GABRB3: variants seen among roughly 807,000 people sequenced by gnomAD.
GABRB3 encodes the protein gamma-aminobutyric acid receptor subunit beta-3.
In GABRB3, 14 loss-of-function variants were observed where a neutral mutation model predicts 52.1. That is an observed-to-expected ratio of 0.27 (90% CI 0.18 to 0.42). GABRB3 has a LOEUF of 0.42. Among genes scored for constraint, GABRB3 ranks in the 10% least tolerant of loss-of-function variants. The pLI, the probability that GABRB3 is intolerant of heterozygous loss-of-function variation, is 1.00. For missense variants in GABRB3, 307 were observed against 609.1 expected, an observed-to-expected ratio of 0.50 and a Z score of 5.22; for synonymous variants, 260 against 232.3, an observed-to-expected ratio of 1.12 and a Z score of -1.08.
intron 8 of GABRB3, among the ~76,000 whole-genome samples, chr15:26,560,520 GGA>G (rs1413198944): frequency 2.6e-5 from 4 of 152,200 alleles, no homozygotes; most frequent in Admixed American, 2.6e-4. Context: ...ACTGGTGAGA[GGA>G]AGAAAGCCTA....
At chr15:26,666,889 T>C (rs1296585708) in intron 3 of GABRB3, among the ~76,000 whole-genome samples, 1 of 152,154 alleles carries the variant, frequency 6.6e-6, no homozygotes, top group Non-Finnish European at 1.5e-5. Flanking sequence ...ATCAGGGCTC[T>C]CTGTTTCCAC....
intron 3 of GABRB3, among the ~76,000 whole-genome samples, chr15:26,722,380 A>C (rs1173091938): frequency 6.6e-6 from 1 of 152,202 alleles, no homozygotes; most frequent in African/African-American, 2.4e-5. Flanking sequence ...AACATTTCAC[A>C]AACACTGAGG....
At chr15:26,657,628 C>T (rs1166487194) in intron 3 of GABRB3, among the ~76,000 whole-genome samples, 1 of 152,188 alleles carries the variant, frequency 6.6e-6, no homozygotes, top group Non-Finnish European at 1.5e-5. Context: ...ATTCTCACAG[C>T]AAACATGAGA....
chr15:26,638,466 A>G (rs1893112816), intron 3 of GABRB3, among the ~76,000 whole-genome samples: 2 of 152,136 alleles, frequency 1.3e-5, no homozygotes, highest in Admixed American at 1.3e-4. Flanking sequence ...GGTGATCTCA[A>G]TCATTCCTAA....
At chr15:26,708,260 T>A (rs1284558221) in intron 3 of GABRB3, among the ~76,000 whole-genome samples, 1 of 152,196 alleles carries the variant, frequency 6.6e-6, no homozygotes, top group African/African-American at 2.4e-5. Context: ...TCAAGAAATG[T>A]GTGCTATGTC....
intron 3 of GABRB3, among the ~76,000 whole-genome samples, chr15:26,744,187 T>G (rs1890278257): frequency 6.6e-6 from 1 of 152,192 alleles, no homozygotes; most frequent in South Asian, 2.1e-4. Flanking sequence ...TCCATGCAAT[T>G]GGGCATGGTT....
chr15:26,672,095 C>T (rs1389408879), intron 3 of GABRB3, among the ~76,000 whole-genome samples: 2 of 151,978 alleles, frequency 1.3e-5, no homozygotes, highest in East Asian at 1.9e-4. Flanking sequence ...CTTTTCCCTC[C>T]CTCCTTTTCT....
chr15:26,678,828 G>A (rs949887706), intron 3 of GABRB3, among the ~76,000 whole-genome samples: 1 of 152,196 alleles, frequency 6.6e-6, no homozygotes, highest in South Asian at 2.1e-4. Flanking sequence ...TGTCCCAGAT[G>A]AAAGTGTACC....
chr15:26,734,195 A>C (rs1421834952), intron 3 of GABRB3, among the ~76,000 whole-genome samples: 1 of 151,794 alleles, frequency 6.6e-6, no homozygotes, highest in Non-Finnish European at 1.5e-5. Flanking sequence ...ACACCCAGCT[A>C]ATTTTTTGTG....
At chr15:26,650,271 A>T (rs565282331) in intron 3 of GABRB3, among the ~76,000 whole-genome samples, 1 of 152,264 alleles carries the variant, frequency 6.6e-6, no homozygotes, top group African/African-American at 2.4e-5. Flanking sequence ...GGGATTTCAC[A>T]GCAGTTCAAA....
At chr15:26,573,154 C>T (rs1306037187) in intron 6 of GABRB3, among the ~76,000 whole-genome samples, 2 of 152,170 alleles carry the variant, frequency 1.3e-5, no homozygotes, top group Non-Finnish European at 2.9e-5. Context: ...TCCCATTAAG[C>T]TGCCATGGTG....
intron 3 of GABRB3, among the ~76,000 whole-genome samples, chr15:26,763,919 G>A (rs1484428186): frequency 6.6e-6 from 1 of 151,646 alleles, no homozygotes; most frequent in Non-Finnish European, 1.5e-5. Flanking sequence ...GCCGAGGCGG[G>A]TGGATCACCT....
intron 4 of GABRB3, among the ~76,000 whole-genome samples, chr15:26,597,300 C>T (rs1490845604): frequency 1.3e-5 from 2 of 152,136 alleles, no homozygotes; most frequent in Non-Finnish European, 2.9e-5. Flanking sequence ...TTAGAAACTT[C>T]AGCCAAGCCA....
intron 4 of GABRB3, 99 bp from the exon 5 acceptor site, chr15:26,583,513 G>T: frequency 2.2e-6 from 2 of 904,226 alleles, no homozygotes; most frequent in South Asian, 1.3e-5. Context: ...TGGGAACCCT[G>T]CCCAAAGTAC....
Position 26,547,680 on chromosome 15 carries a change from A to AT in GABRB3, c.*112dup. 1 of 777,192 alleles carries AT rather than the reference A, an allele frequency of 1.3e-6. No individual in the cohort carries two copies. The highest frequency in any genetic ancestry group is 2.2e-6 in the Non-Finnish European group (1 of 448,442). The allele number at this position is 777,192 out of a possible 1,614,324, so 48.1% of individuals were successfully genotyped here. The stretch of plus-strand genomic sequence containing the variant: ...CATATATATACAATTGCGTATGTAT[A>AT]TATGTGTGTGTCTGCTTGTGTGTCT... On this transcript the variant is annotated 3_prime_UTR_variant, in exon 9 of 9. Transcript: ENST00000311550.
At chr15:26,716,074 C>G (rs1566816538) in intron 3 of GABRB3, among the ~76,000 whole-genome samples, 1 of 152,180 alleles carries the variant, frequency 6.6e-6, no homozygotes, top group Non-Finnish European at 1.5e-5. Flanking sequence ...GCATCCAACT[C>G]AAGCTATACA....
At chr15:26,756,991 C>A (rs959069815) in intron 3 of GABRB3, among the ~76,000 whole-genome samples, 13 of 152,118 alleles carry the variant, frequency 8.5e-5, no homozygotes, top group African/African-American at 3.1e-4. Flanking sequence ...GTAGTCAAAA[C>A]CCCCAGTGGT....
intron 4 of GABRB3, among the ~76,000 whole-genome samples, chr15:26,611,432 T>C: frequency 6.6e-6 from 1 of 152,184 alleles, no homozygotes; most frequent in East Asian, 1.9e-4. Context: ...CAAAATTTAA[T>C]ATTATTAAGA....
Position 26,560,992 on chromosome 15 carries a change from C to A in GABRB3, c.1020G>T (p.Lys340Asn). The change falls in exon 8 of 9, where the codon AAG (lysine) becomes AAT (asparagine). Residue 340 changes from lysine to asparagine, a missense_variant. Around this residue, in one of 6 missense-constraint regions of GABRB3, gnomAD observed 115 missense variants for 166.9 expected, o/e 0.69. Transcript: ENST00000311550. ...CCTTGGCTGTCTTTTCTGCAAGCTT[C>A]TTCTGCCTTTGAGGGCCTCTTCCAA... is the stretch of plus-strand genomic sequence containing the variant. ...IFFGRGPQRQKKLAEKTAKAK... is the reference protein window; with the variant it reads ...IFFGRGPQRQNKLAEKTAKAK... 6.2e-7 allele frequency: 1 copy of A among 1,614,202 alleles called. No homozygotes were observed. The highest frequency in any genetic ancestry group is 2.2e-5 in the East Asian group (1 of 44,876).
Sources: gnomAD v4.1 joint callset for allele counts (sites outside exome capture counted in the v4.1 genomes callset) on GRCh38, gnomAD v4.1.1 for gene constraint, gnomAD v4.1.1 regional missense constraint, MANE v1.5 for transcripts, NCBI Gene and HGNC (gene_info 2026-07-23, HGNC 2026-07-21) for gene names.